TMEFF1: variants seen among roughly 807,000 people sequenced by gnomAD.
TMEFF1 encodes tomoregulin-1.
A neutral mutation model predicts 47.5 loss-of-function variants in TMEFF1; 20 were observed. That is an observed-to-expected ratio of 0.42 (90% confidence interval 0.30 to 0.61). The LOEUF (loss-of-function observed/expected upper bound fraction) is 0.61. TMEFF1 is among the 20% of genes least tolerant of loss of function. The pLI is 0.19. For missense variants in TMEFF1, 411 were observed against 471.1 expected, an observed-to-expected ratio of 0.87 and a Z score of 1.18; for synonymous variants, 162 against 166.3, an observed-to-expected ratio of 0.97 and a Z score of 0.20.
chr9:100,575,727 A>G (rs114159630), intron 9 of TMEFF1, among the ~76,000 whole-genome samples: 33 of 152,184 alleles, frequency 2.2e-4, no homozygotes, highest in African/African-American at 6.5e-4. Context: ...TATTTTTTAC[A>G]TATAGGAGAA....
intron 5 of TMEFF1, among the ~76,000 whole-genome samples, chr9:100,528,442 ATGC>A (rs1838309232): frequency 6.8e-6 from 1 of 147,276 alleles, no homozygotes; most frequent in Non-Finnish European, 1.5e-5. Flanking sequence ...TACGTGAAGA[ATGC>A]AGAAGCCTCA....
At chr9:100,476,699 G>GTT (rs60623249) in intron 1 of TMEFF1, among the ~76,000 whole-genome samples, 12,272 of 115,728 alleles carry the variant, frequency 0.11, 849 homozygotes, top group Middle Eastern at 0.21. Flanking sequence ...GGCCTATTTC[G>GTT]TTTTTTTTTT....
At chr9:100,528,435 G>A (rs1012470128) in intron 5 of TMEFF1, among the ~76,000 whole-genome samples, 17 of 147,046 alleles carry the variant, frequency 1.2e-4, no homozygotes, top group Non-Finnish European at 2.5e-4. Flanking sequence ...CGAGAACTAC[G>A]TGAAGAATGC....
intron 2 of TMEFF1, among the ~76,000 whole-genome samples, chr9:100,506,873 A>T (rs2118351898): frequency 6.6e-6 from 1 of 151,764 alleles, no homozygotes; most frequent in East Asian, 1.9e-4. Context: ...TTTAAAGGTA[A>T]TTCTTTTTTA....
chr9:100,527,190 G>A lies in TMEFF1; in HGVS notation c.560+10419G>A, dbSNP rs529095806. On this transcript the variant is annotated intron_variant, in intron 5 of 9. Transcript: ENST00000374879. The stretch of plus-strand genomic sequence containing the variant: ...TACTTTGAAAGATTGGAATGGATGT[G>A]TTCATGAATTGTCTTTTTAAAAAAT... Among the ~76,000 whole-genome samples, 10 of 152,040 alleles carry A rather than the reference G, an allele frequency of 6.6e-5. No homozygotes were observed. The East Asian group carries it at 1.9e-3, about 30-fold the overall frequency.
At position 100,538,420 on chromosome 9, in the gene TMEFF1, C is replaced by G. The variant is rs993254805; in HGVS notation, c.561-9324C>G. On this transcript the variant is annotated intron_variant, in intron 5 of 9. Transcript: ENST00000374879. ...TGGGGGGAATTCGTTCTGATACTCC[C>G]CTCAAATACCAAAATCTCAGGATGC... Among the ~76,000 whole-genome samples, 6 of 152,248 alleles carry G rather than the reference C, an allele frequency of 3.9e-5. No homozygotes were observed. In the East Asian group the frequency reaches 1.2e-3, roughly 29 times the overall value.
At chr9:100,529,284 GAC>G (rs1300766845) in intron 5 of TMEFF1, among the ~76,000 whole-genome samples, 2 of 151,304 alleles carry the variant, frequency 1.3e-5, no homozygotes, top group Non-Finnish European at 3.0e-5. Flanking sequence ...CCAATTAAAA[GAC>G]ACAGACTGGC....
chr9:100,541,263 C>A (rs1838620977), intron 5 of TMEFF1, among the ~76,000 whole-genome samples: 1 of 151,386 alleles, frequency 6.6e-6, no homozygotes. Flanking sequence ...GTTAAGATTT[C>A]AGTTTTGCTG....
rs115831362 is a variant in TMEFF1 at position 100,565,453 on chromosome 9, A to G, written c.899+3933A>G. Among the ~76,000 whole-genome samples, 90 of 152,168 alleles carry G rather than the reference A, an allele frequency of 5.9e-4. 1 individual carries two copies. The highest frequency in any genetic ancestry group is 2.0e-3 in the African/African-American group (83 of 41,514). ...TGCATACCTATACATGCAGTTGATC[A>G]TGGCTGTCGGTGAAAAGCACACCAC... On this transcript the variant is annotated intron_variant, in intron 8 of 9. Coordinates refer to ENST00000374879, the MANE Select transcript of TMEFF1 (RefSeq NM_003692.5).
intron 5 of TMEFF1, among the ~76,000 whole-genome samples, chr9:100,542,691 A>G (rs569621368): frequency 1.3e-5 from 2 of 152,268 alleles, no homozygotes; most frequent in African/African-American, 2.4e-5. Flanking sequence ...CTTTTAAAAT[A>G]TTCTTTTTCT....
intron 4 of TMEFF1, among the ~76,000 whole-genome samples, chr9:100,514,079 A>T (rs1230850604): frequency 2.6e-5 from 4 of 152,170 alleles, no homozygotes; most frequent in Non-Finnish European, 5.9e-5. Context: ...TGTACTGTAT[A>T]CCAAATAATG....
chr9:100,503,535 A>AACACACACACAC (rs66485935), intron 2 of TMEFF1, among the ~76,000 whole-genome samples: 3 of 143,938 alleles, frequency 2.1e-5, no homozygotes, highest in African/African-American at 7.8e-5. Flanking sequence ...GAGAAACAGA[A>AACACACACACAC]ACACACACAC....
intron 7 of TMEFF1, among the ~76,000 whole-genome samples, chr9:100,552,661 A>G (rs1356746081): frequency 6.6e-6 from 1 of 152,172 alleles, no homozygotes; most frequent in African/African-American, 2.4e-5. Context: ...TTAAATTTAA[A>G]TTAAAATGAA....
intron 5 of TMEFF1, among the ~76,000 whole-genome samples, chr9:100,528,462 G>A (rs1428389029): frequency 1.6e-4 from 23 of 147,250 alleles, no homozygotes; most frequent in Admixed American, 1.5e-3. Flanking sequence ...CTCAGGAGCC[G>A]ATGCGATCAA....
chr9:100,512,107 G>T lies in TMEFF1; in HGVS notation c.437-1200G>T, dbSNP rs530234390. Among the ~76,000 whole-genome samples, 3 of 152,246 alleles carry T rather than the reference G, an allele frequency of 2.0e-5. No homozygotes were observed. In the South Asian group the frequency reaches 6.2e-4, roughly 32 times the overall value. ...AATATGTAACCAATCATTGTATGTG[G>T]AATCGAAGTAATAAAGGGGTGTTTT... On this transcript the variant is annotated intron_variant, in intron 3 of 9. Transcript: ENST00000374879.
intron 5 of TMEFF1, among the ~76,000 whole-genome samples, chr9:100,544,118 G>A (rs1003324296): frequency 6.7e-6 from 1 of 150,342 alleles, no homozygotes; most frequent in African/African-American, 2.5e-5. Context: ...CTTTTTTAGG[G>A]TCTCCAGACT....
intron 7 of TMEFF1, among the ~76,000 whole-genome samples, chr9:100,555,453 C>T (rs1838899922): frequency 6.6e-6 from 1 of 152,140 alleles, no homozygotes; most frequent in Admixed American, 6.5e-5. Flanking sequence ...TTATCTGTTT[C>T]CTACACATCT....
chr9:100,505,131 A>G (rs1208120732), intron 2 of TMEFF1, among the ~76,000 whole-genome samples: 94 of 152,194 alleles, frequency 6.2e-4, no homozygotes, highest in Admixed American at 6.2e-3. Flanking sequence ...AATTAAAAGC[A>G]GGTCGGGCGC....
intron 2 of TMEFF1, among the ~76,000 whole-genome samples, chr9:100,504,830 A>G (rs1423500701): frequency 3.3e-5 from 5 of 152,202 alleles, no homozygotes. Flanking sequence ...TTGTAGACTA[A>G]TGCTTCCTGG....
Sources: allele counts gnomAD v4.1 joint callset (sites outside exome capture counted in the v4.1 genomes callset), GRCh38; gene constraint gnomAD v4.1.1; transcripts MANE v1.5; gene names NCBI Gene and HGNC (gene_info 2026-07-23, HGNC 2026-07-21).